BSN: variants seen among roughly 807,000 people sequenced by gnomAD.
BSN encodes bassoon presynaptic cytomatrix protein.
Under a neutral mutation model 264.8 loss-of-function variants are expected in BSN, and 57 were observed. The observed-to-expected ratio is 0.22, with a 90% CI of 0.17 to 0.27. The LOEUF (loss-of-function observed/expected upper bound fraction) is 0.27, where lower values mean the gene tolerates loss of function less well. BSN is among the 10% of genes least tolerant of loss of function. The pLI, the probability that BSN is intolerant of heterozygous loss-of-function variation, is 1.00. For missense variants in BSN, 4,615 were observed against 5,232.5 expected (o/e 0.88, Z 3.64); for synonymous variants, 2,059 against 2,137.3 (o/e 0.96, Z 1.01).
At chr3:49,558,346 C>T (rs1330343852) in intron 1 of BSN, among the ~76,000 whole-genome samples, 3 of 152,248 alleles carry the variant, frequency 2.0e-5, no homozygotes, top group Non-Finnish European at 4.4e-5. Context: ...CATTGCCCAT[C>T]AGAATGCGTA....
chr3:49,657,977 G>A lies in BSN; in HGVS notation c.8421G>A (p.Leu2807=). The A allele has an allele frequency of 6.2e-7, 1 of 1,611,734 alleles. No homozygotes were observed. The highest frequency in any genetic ancestry group is 2.2e-5 in the East Asian group (1 of 44,828). The change falls in exon 5 of 12, where the codon CTG becomes CTA. Residue 2807 remains leucine (L), a synonymous_variant. Transcript: ENST00000296452. ...CACCCCTGTCCCCTCACCGGCTCCT[G>A]GACACCTCCTTTGCTTCCAGTGAGA... The part of the protein sequence containing the change: ...PVSPLSPHRL[L]DTSFASSERL...
rs771441917 is a variant in BSN at position 49,642,487 on chromosome 3, A to G, written c.853A>G (p.Thr285Ala). 3.2e-5 allele frequency: 50 copies of G among 1,575,694 alleles called. No homozygotes were observed. Among genetic ancestry groups the G allele is most frequent in the Middle Eastern group, 1.7e-4 (1 of 5,922 alleles). ...GSRQAETARA[T>A]SVPGPAQAAA... ...CCGCCAGGCTGAGACAGCCAGGGCC[A>G]CCTCAGTGCCGGGGCCTGCCCAAGC... Residue 285 changes from threonine (T) to alanine (A), a missense_variant, in exon 3 of 12, where the codon ACC becomes GCC. Around this residue, in one of 3 missense-constraint regions of BSN, gnomAD observed 1,197 missense variants for 1,348.0 expected, o/e 0.89. Transcript: ENST00000296452. This position sits in a 1 kb window ranked among gnomAD's most constrained non-coding sequence, Gnocchi z 7.0.
intron 1 of BSN, among the ~76,000 whole-genome samples, chr3:49,621,164 G>A (rs774845094): frequency 6.6e-6 from 1 of 152,196 alleles, no homozygotes; most frequent in Non-Finnish European, 1.5e-5. Flanking sequence ...TATCAAGGTG[G>A]AGATGCCTAC....
chr3:49,614,389 C>A (rs2052241769), intron 1 of BSN, among the ~76,000 whole-genome samples: 1 of 152,198 alleles, frequency 6.6e-6, no homozygotes, highest in South Asian at 2.1e-4. Context: ...ATACTGAACT[C>A]ATGGCATTTG....
At position 49,661,324 on chromosome 3, in the gene BSN, A is replaced by G; in HGVS notation, c.9479A>G (p.Asn3160Ser). 1 of 1,613,910 alleles carries G rather than the reference A, an allele frequency of 6.2e-7. No individual in the cohort carries two copies. Among genetic ancestry groups the G allele is most frequent in the South Asian group, 1.1e-5 (1 of 91,072 alleles). ...GACTTGGAGCAGAAGGTGCCCACCA[A>G]CTATGAGGTGATCGCCAGCCCCGTT... ...LADLEQKVPT[N>S]YEVIASPVVP... Residue 3160 changes from asparagine to serine, a missense_variant, in exon 6 of 12, where the codon AAC (asparagine) becomes AGC (serine). By Grantham distance (46) the Asn-to-Ser change is conservative. Around this residue, in one of 3 missense-constraint regions of BSN, gnomAD observed 3,415 missense variants for 3,866.4 expected, o/e 0.88. Coordinates refer to ENST00000296452, the MANE Select transcript of BSN (RefSeq NM_003458.4).
rs200851033 is a variant in BSN, at chr3:49,663,339, A to G, written c.11181A>G (p.Gln3727=). 5.0e-6 allele frequency: 8 copies of G among 1,613,830 alleles called. No homozygotes were observed. The highest frequency in any genetic ancestry group is 6.8e-6 in the Non-Finnish European group (8 of 1,180,026). The change falls in exon 7 of 12, where the codon CAA becomes CAG. Residue 3727 remains glutamine, a synonymous_variant. Coordinates refer to ENST00000296452, the MANE Select transcript of BSN (RefSeq NM_003458.4). ...CTGACAGCAAGAAGGGCTCCCGGCA[A>G]GCCCACTCCGGGCCCGCTGCACTGC... ...HASDSKKGSR[Q]AHSGPAALQS...
Position 49,655,402 on chromosome 3 carries a change from C to T in BSN, c.5846C>T (p.Pro1949Leu). Residue 1949 changes from proline to leucine, a missense_variant, in exon 5 of 12, where the codon CCT (proline) becomes CTT (leucine). By Grantham distance (98) the Pro-to-Leu change is moderately conservative (BLOSUM62 -3). Around this residue, in one of 3 missense-constraint regions of BSN, gnomAD observed 3,415 missense variants for 3,866.4 expected, o/e 0.88. Coordinates refer to ENST00000296452, the MANE Select transcript of BSN (RefSeq NM_003458.4). ...SPFYGPRDPE[P>L]PEPPTYRAQG... The stretch of plus-strand genomic sequence containing the variant: ...TTCTATGGTCCCCGGGACCCTGAGC[C>T]TCCTGAGCCCCCAACCTACCGGGCA... 2 of 1,572,298 alleles carry T rather than the reference C, an allele frequency of 1.3e-6. No homozygotes were observed. Among genetic ancestry groups the T allele is most frequent in the Non-Finnish European group, 8.6e-7 (1 of 1,158,800 alleles).
intron 1 of BSN, among the ~76,000 whole-genome samples, chr3:49,564,269 C>G (rs972665282): frequency 2.0e-5 from 3 of 152,138 alleles, no homozygotes; most frequent in Non-Finnish European, 4.4e-5. Context: ...TTTATGAGAG[C>G]TTTTGGGCAG....
intron 1 of BSN, among the ~76,000 whole-genome samples, chr3:49,580,969 G>T (rs929859108): frequency 6.8e-6 from 1 of 146,452 alleles, no homozygotes; most frequent in Non-Finnish European, 1.5e-5. Flanking sequence ...TTTCTTCAGC[G>T]CCTGTTAACT....
At chr3:49,576,021 C>T (rs938304770) in intron 1 of BSN, among the ~76,000 whole-genome samples, 1 of 152,246 alleles carries the variant, frequency 6.6e-6, no homozygotes, top group South Asian at 2.1e-4. Context: ...CTTCTCCCCA[C>T]CCTCCCACTT....
intron 1 of BSN, 88 bp from the exon 2 acceptor site, chr3:49,624,887 C>T (rs767273431): frequency 7.7e-6 from 10 of 1,297,366 alleles, no homozygotes; most frequent in Non-Finnish European, 1.0e-5. Flanking sequence ...GGTGATGGGG[C>T]TTGGCAGGGT....
intron 2 of BSN, among the ~76,000 whole-genome samples, chr3:49,634,768 C>T (rs1345026503): frequency 6.6e-6 from 1 of 152,186 alleles, no homozygotes; most frequent in Non-Finnish European, 1.5e-5. Context: ...ATTAATGCCA[C>T]TGAATTGTAT....
Position 49,590,106 on chromosome 3 carries a change from G to C in BSN, c.225-34869G>C, listed in dbSNP as rs577882545. Among the ~76,000 whole-genome samples, 63 of 152,242 alleles carry C rather than the reference G, an allele frequency of 4.1e-4. No individual in the cohort carries two copies. In the South Asian group the frequency reaches 7.2e-3, roughly 18 times the overall value. Reference sequence around the variant, plus strand: ...CCGCCTCGGCCTCCTAAAGTGCTGGGATTACAGGTGTGAACCACCACGCCC... The same window carrying C: ...CCGCCTCGGCCTCCTAAAGTGCTGGCATTACAGGTGTGAACCACCACGCCC... On this transcript the variant is annotated intron_variant, in intron 1 of 11. Coordinates refer to ENST00000296452, the MANE Select transcript of BSN (RefSeq NM_003458.4).
chr3:49,658,188 G>A lies in BSN; in HGVS notation c.8632G>A (p.Gly2878Ser). The A allele has an allele frequency of 6.4e-7, 1 of 1,561,458 alleles. No individual in the cohort carries two copies. The highest frequency in any genetic ancestry group is 8.7e-7 in the Non-Finnish European group (1 of 1,149,324). ...CCTCTACCAGCACCAGGGGGGACTG[G>A]GTAGCCAGGTATGGGAACAGGGGCT... is the stretch of plus-strand genomic sequence containing the variant. Reference protein sequence around the residue: ...FSLYQHQGGLGSQVSALPPNS... With the variant: ...FSLYQHQGGLSSQVSALPPNS... The change falls in exon 5 of 12, where the codon GGT becomes AGT. Residue 2878 changes from glycine (G) to serine (S), a missense_variant. Gly to Ser is a moderately conservative substitution (Grantham distance 56, BLOSUM62 0). Around this residue, in one of 3 missense-constraint regions of BSN, gnomAD observed 3,415 missense variants for 3,866.4 expected, o/e 0.88. Coordinates refer to ENST00000296452, the MANE Select transcript of BSN (RefSeq NM_003458.4).
Position 49,661,283 on chromosome 3 carries a change from C to T in BSN, c.9438C>T (p.Arg3146=). 3 of 1,613,844 alleles carry T rather than the reference C, an allele frequency of 1.9e-6. No individual in the cohort carries two copies. The highest frequency in any genetic ancestry group is 2.5e-6 in the Non-Finnish European group (3 of 1,180,052). Residue 3146 remains arginine, a synonymous_variant, in exon 6 of 12, where the codon CGC becomes CGT. Coordinates refer to ENST00000296452, the MANE Select transcript of BSN (RefSeq NM_003458.4). ...GCCGTGCCCCACTGCAGAAGCCACG[C>T]CAGACATCGCTAGCCGACTTGGAGC... ...ADSRAPLQKP[R]QTSLADLEQK...
intron 1 of BSN, among the ~76,000 whole-genome samples, chr3:49,578,390 G>A (rs1156403226): frequency 6.8e-6 from 1 of 146,882 alleles, no homozygotes; most frequent in Admixed American, 7.2e-5. Flanking sequence ...TGCACTTAGA[G>A]TTCTACAACC....
At position 49,663,286 on chromosome 3, in the gene BSN, C is replaced by G. The variant is rs780305240; in HGVS notation, c.11128C>G (p.Arg3710Gly). ...PSSAEYSQPS[R>G]ASSAYHHASD... The stretch of plus-strand genomic sequence containing the variant: ...CTCTGCTGAGTACTCACAGCCATCC[C>G]GTGCTTCATCCGCATACCATCATGC... The change falls in exon 7 of 12, where the codon CGT becomes GGT. Residue 3710 changes from arginine (R) to glycine (G), a missense_variant. This residue lies in a region of BSN where 3,415 missense variants were observed against 3,866.4 expected (regional missense o/e 0.88). Transcript: ENST00000296452. The G allele has an allele frequency of 1.2e-6, 2 of 1,614,134 alleles. No homozygotes were observed. Among genetic ancestry groups the G allele is most frequent in the Non-Finnish European group, 1.7e-6 (2 of 1,180,028 alleles).
chr3:49,653,810 C>T lies in BSN; in HGVS notation c.4254C>T (p.Ser1418=). The change falls in exon 5 of 12, where the codon AGC becomes AGT. Residue 1418 remains serine, a synonymous_variant. Transcript: ENST00000296452. This position sits in a 1 kb window ranked among gnomAD's most constrained non-coding sequence, Gnocchi z 6.3. The stretch of plus-strand genomic sequence containing the variant: ...CTTCACCATCTTCCACAGCCCACAG[C>T]TATGGACACAGCCCAACCACTGCAA... The part of the protein sequence containing the change: ...RSPSPSSTAH[S]YGHSPTTANY... 1 of 1,614,166 alleles carries T rather than the reference C, an allele frequency of 6.2e-7. No homozygotes were observed. Among genetic ancestry groups the T allele is most frequent in the Non-Finnish European group, 8.5e-7 (1 of 1,180,028 alleles).
At chr3:49,602,198 C>G (rs1279602475) in intron 1 of BSN, among the ~76,000 whole-genome samples, 1 of 152,212 alleles carries the variant, frequency 6.6e-6, no homozygotes, top group Non-Finnish European at 1.5e-5. Context: ...ACATCCATTG[C>G]AGGGTGATTT....
Sources: allele counts gnomAD v4.1 joint callset (sites outside exome capture counted in the v4.1 genomes callset), GRCh38; gene constraint gnomAD v4.1.1; regional missense constraint gnomAD v4.1.1; non-coding constraint Gnocchi (gnomAD v3.1); transcripts MANE v1.5; gene names NCBI Gene and HGNC (gene_info 2026-07-23, HGNC 2026-07-21).